The following REXO1 variants were observed in gnomAD, a reference collection of about 807,000 sequenced individuals.
The protein encoded by REXO1 is REX1, RNA exonuclease 1 homolog.
REXO1 carries 42 observed loss-of-function variants against 102.6 expected under a neutral mutation model. The ratio of observed to expected loss-of-function variants is 0.41; its 90% CI spans 0.32 to 0.53. REXO1 has a LOEUF of 0.53. Among genes scored for constraint, REXO1 ranks in the 20% least tolerant of loss-of-function variants. The pLI, the probability that REXO1 is intolerant of heterozygous loss-of-function variation, is 0.27. For synonymous variants in REXO1, 908 were observed against 779.1 expected (o/e 1.17, Z -2.76); for missense variants, 1,819 against 1,732.5 (o/e 1.05, Z -0.89).
chr19:1,827,101 G>A lies in REXO1; in HGVS notation c.1688C>T (p.Ala563Val), dbSNP rs745392906. ...DSDSSLGFPE[A>V]QGPPKRLKAS... is the part of the protein sequence containing the mutation. ...CTTGAGCCGCTTGGGCGGCCCCTGC[G>A]CCTCCGGGAAGCCCAGGCTGGAGTC... The change falls in exon 2 of 16, where the codon GCG (alanine) becomes GTG (valine). Residue 563 changes from alanine to valine, a missense_variant. Physicochemically the swap from Ala to Val is moderately conservative, Grantham distance 64. Coordinates refer to ENST00000170168, the MANE Select transcript of REXO1 (RefSeq NM_020695.4). 6.4e-5 allele frequency: 98 copies of A among 1,541,308 alleles called. No individual in the cohort carries two copies. The highest frequency in any genetic ancestry group is 9.8e-5 in the Admixed American group (5 of 50,830).
intron 1 of REXO1, 57 bp downstream of exon 1, chr19:1,848,145 G>T: frequency 1.1e-6 from 1 of 883,954 alleles, no homozygotes; most frequent in South Asian, 5.7e-5. Flanking sequence ...GACCGGGGTG[G>T]GGTCCAGACC....
chr19:1,827,872 G>A lies in REXO1; in HGVS notation c.917C>T (p.Thr306Ile). ...CTCAGGGTCGGCCCTGGCTTTGGGG[G>A]TGCTGGCCGTGGTGGGCTCGTTACC... ...VPGNEPTTASTPKARADPEIK... is the reference protein window; with the variant it reads ...VPGNEPTTASIPKARADPEIK... The change falls in exon 2 of 16, where the codon ACC (threonine) becomes ATC (isoleucine). Residue 306 changes from threonine to isoleucine, a missense_variant. Physicochemically the swap from Thr to Ile is moderately conservative, Grantham distance 89. Coordinates refer to ENST00000170168, the MANE Select transcript of REXO1 (RefSeq NM_020695.4). 8 of 1,613,594 alleles carry A rather than the reference G, an allele frequency of 5.0e-6. No homozygotes were observed. The highest frequency in any genetic ancestry group is 6.8e-6 in the Non-Finnish European group (8 of 1,179,870).
chr19:1,817,908 T>C, intron 10 of REXO1, 128 bp from the exon 11 acceptor site: 1 of 705,830 alleles, frequency 1.4e-6, no homozygotes, highest in Non-Finnish European at 2.4e-6. Flanking sequence ...CCTCAGCCTC[T>C]TGGTGGAGCT....
chr19:1,842,884 T>C (rs2011353466), intron 1 of REXO1, among the ~76,000 whole-genome samples: 1 of 152,214 alleles, frequency 6.6e-6, no homozygotes, highest in African/African-American at 2.4e-5. Context: ...CAGAGACCCG[T>C]GGCAACACGG....
chr19:1,833,481 G>T (rs1298893261), intron 1 of REXO1, among the ~76,000 whole-genome samples: 3 of 152,246 alleles, frequency 2.0e-5, no homozygotes, highest in African/African-American at 7.2e-5. Context: ...GACCCTGGGA[G>T]TCAGCGAGGG....
At chr19:1,848,039 G>A (rs190322534) in intron 1 of REXO1, among the ~76,000 whole-genome samples, 163 bp downstream of exon 1, 35 of 152,324 alleles carry the variant, frequency 2.3e-4, no homozygotes, top group African/African-American at 7.5e-4. Context: ...GCTTTGCACC[G>A]GGTCCCAGGG....
At position 1,826,523 on chromosome 19, in the gene REXO1, G is replaced by T. The variant is rs1204954856; in HGVS notation, c.1911+355C>A. Among the ~76,000 whole-genome samples the T allele has an allele frequency of 6.6e-6, 1 of 150,980 alleles. No individual in the cohort carries two copies. The highest frequency in any genetic ancestry group is 2.4e-5 in the African/African-American group (1 of 41,036). On this transcript the variant is annotated intron_variant, in intron 2 of 15. Transcript: ENST00000170168. The surrounding 1 kb of genome is among the most constrained non-coding windows in gnomAD (Gnocchi z 4.3). ...GAGAGGGGGAAGGGAGGAAAGGGGA[G>T]GCGAGGGGAGAGGGGCTAGAAGGGT...
rs548266351 is a variant in REXO1 at position 1,827,169 on chromosome 19, G to C, written c.1620C>G (p.Pro540=). 2.6e-6 allele frequency: 4 copies of C among 1,541,510 alleles called. No homozygotes were observed. The East Asian group carries it at 9.8e-5, about 38-fold the overall frequency. The change falls in exon 2 of 16, where the codon CCC becomes CCG. Residue 540 remains proline (P), a synonymous_variant. Transcript: ENST00000170168. The part of the protein sequence containing the change: ...AAGPGVPSVW[P]SALPSLSSDS... ...CCGAGCTGAGGCTGGGGAGGGCAGA[G>C]GGCCACACGCTCGGCACCCCTGGCC...
At position 1,817,334 on chromosome 19, in the gene REXO1, G is replaced by A. The variant is rs766431160; in HGVS notation, c.3091-5C>T. ...CCGGCCATCCTGCACGTGTTGCTGG[G>A]GGTGGAGAAGGCAGGTGAGGGCAGC... On this transcript the variant is annotated splice_polypyrimidine_tract_variant and splice_region_variant and intron_variant, in intron 11 of 15. Coordinates refer to ENST00000170168, the MANE Select transcript of REXO1 (RefSeq NM_020695.4). 6.2e-7 allele frequency: 1 copy of A among 1,612,030 alleles called. No individual in the cohort carries two copies. Among genetic ancestry groups the A allele is most frequent in the African/African-American group, 1.3e-5 (1 of 75,052 alleles).
intron 1 of REXO1, 23 bp from the exon 2 acceptor site, chr19:1,828,654 C>G: frequency 6.4e-7 from 1 of 1,573,346 alleles, no homozygotes; most frequent in African/African-American, 1.3e-5. Flanking sequence ...GAGAGCACAG[C>G]TGTGACCAGC....
chr19:1,841,274 A>G (rs899963299), intron 1 of REXO1, among the ~76,000 whole-genome samples: 4 of 152,154 alleles, frequency 2.6e-5, no homozygotes, highest in African/African-American at 7.2e-5. Context: ...GAATCTACCC[A>G]CTGCGCGGAC....
rs375806067 is a variant in REXO1 at position 1,826,917 on chromosome 19, G to A, written c.1872C>T (p.Thr624=). The change falls in exon 2 of 16, where the codon ACC becomes ACT. Residue 624 remains threonine (T), a synonymous_variant. Transcript: ENST00000170168. The surrounding 1 kb of genome is among the most constrained non-coding windows in gnomAD (Gnocchi z 4.3). ...GGCCTCTGTCCTCCGTCTTGACGCT[G>A]GTGGACTCGTTGAAGATCCGCAGGC... ...EECLRIFNES[T]SVKTEDRGRL... is the part of the protein sequence containing the mutation. The A allele has an allele frequency of 2.8e-5, 45 of 1,583,974 alleles. No homozygotes were observed. The Middle Eastern group carries it at 6.6e-4, about 23-fold the overall frequency.
chr19:1,828,208 C>T lies in REXO1; in HGVS notation c.581G>A (p.Gly194Glu), dbSNP rs1366181902. Residue 194 changes from glycine (G) to glutamate (E), a missense_variant, in exon 2 of 16, where the codon GGG becomes GAG. Coordinates refer to ENST00000170168, the MANE Select transcript of REXO1 (RefSeq NM_020695.4). ...SLDRGQGRGG[G>E]GGGALEYVPK... ...GACGTATTCCAGGGCACCGCCACCC[C>T]CTCCACCTCTGCCCTGACCCCTGTC... 1.9e-6 allele frequency: 3 copies of T among 1,605,912 alleles called. No homozygotes were observed. The highest frequency in any genetic ancestry group is 1.3e-5 in the African/African-American group (1 of 74,626).
chr19:1,828,318 G>T lies in REXO1; in HGVS notation c.471C>A (p.Gly157=), dbSNP rs1225203862. Residue 157 remains glycine (G), a synonymous_variant, in exon 2 of 16, where the codon GGC becomes GGA. Transcript: ENST00000170168. The stretch of plus-strand genomic sequence containing the variant: ...GGTAGCCGGCATCAGGGCTTAATAG[G>T]CCGTGGCTGCCGGGGCTGTAGTCGA... ...LAFDYSPGSH[G]LLSPDAGYQP... The T allele has an allele frequency of 4.3e-6, 7 of 1,609,632 alleles. No individual in the cohort carries two copies. The African/African-American group carries it at 8.0e-5, about 18-fold the overall frequency.
At chr19:1,825,316 AAAAAAACAACC>A in intron 3 of REXO1, among the ~76,000 whole-genome samples, 1 of 142,654 alleles carries the variant, frequency 7.0e-6, no homozygotes, top group African/African-American at 2.7e-5. Context: ...AAAAAAAAAA[AAAAAAACAACC>A]AAAAAACAAA....
In REXO1 at chr19:1,827,454, G is replaced by T; in HGVS notation, c.1335C>A (p.Thr445=). Residue 445 remains threonine (T), a synonymous_variant, in exon 2 of 16, where the codon ACC becomes ACA. Transcript: ENST00000170168. ...KKPSSATPVA[T]SGKGRPDRPA... ...GCCGGTCAGGCCTCCCTTTCCCTGA[G>T]GTGGCCACAGGAGTGGCCGAAGATG... is the stretch of plus-strand genomic sequence containing the variant. The T allele has an allele frequency of 6.4e-7, 1 of 1,564,054 alleles. No individual in the cohort carries two copies. Among genetic ancestry groups the T allele is most frequent in the Non-Finnish European group, 8.6e-7 (1 of 1,165,472 alleles).
chr19:1,821,797 G>T, intron 4 of REXO1, 115 bp from the exon 5 acceptor site: 1 of 937,834 alleles, frequency 1.1e-6, no homozygotes, highest in Non-Finnish European at 1.6e-6. Flanking sequence ...TCCGCGTGCA[G>T]GGGGCCGGGC....
intron 11 of REXO1, 51 bp from the exon 12 acceptor site, chr19:1,817,380 G>A (rs761704878): frequency 6.2e-7 from 1 of 1,602,262 alleles, no homozygotes; most frequent in Non-Finnish European, 8.5e-7. Flanking sequence ...AGTGGGGGCG[G>A]GGGTGGCAGC....
chr19:1,823,898 T>G, intron 3 of REXO1, 113 bp from the exon 4 acceptor site: 1 of 426,666 alleles, frequency 2.3e-6, no homozygotes, highest in Middle Eastern at 6.1e-4. Flanking sequence ...AGGCACCACC[T>G]CCCTGGCTGC....
Sources: allele counts gnomAD v4.1 joint callset (sites outside exome capture counted in the v4.1 genomes callset), GRCh38; gene constraint gnomAD v4.1.1; non-coding constraint Gnocchi (gnomAD v3.1); transcripts MANE v1.5; gene names NCBI Gene and HGNC (gene_info 2026-07-23, HGNC 2026-07-21).